Variants in COL4A4 observed in about 807,000 individuals in gnomAD.
COL4A4 encodes the protein collagen type IV alpha 4 chain.
In COL4A4, 105 loss-of-function variants were observed where a neutral mutation model predicts 192.9. That is an observed-to-expected ratio of 0.54 (90% CI 0.46 to 0.64). The LOEUF is 0.64. Ranked by LOEUF, COL4A4 falls within the 30% of genes least tolerant of loss-of-function variation. The pLI is 0.00. For missense variants in COL4A4, 1,967 were observed against 2,169.3 expected (o/e 0.91, Z 1.85); for synonymous variants, 762 against 769.9 (o/e 0.99, Z 0.17).
chr2:227,088,014 C>T (rs913386349), intron 22 of COL4A4, among the ~76,000 whole-genome samples: 13 of 152,210 alleles, frequency 8.5e-5, no homozygotes, highest in African/African-American at 2.9e-4. Context: ...TCTAGGAGGG[C>T]AGAGACTGGG....
chr2:227,090,706 C>T (rs1199008592), intron 20 of COL4A4, among the ~76,000 whole-genome samples: 6 of 151,658 alleles, frequency 4.0e-5, no homozygotes, highest in African/African-American at 7.3e-5. Flanking sequence ...GAGCTGAGAT[C>T]GCACCACTGT....
chr2:227,135,385 T>C (rs1224238532), intron 4 of COL4A4, among the ~76,000 whole-genome samples: 1 of 152,096 alleles, frequency 6.6e-6, no homozygotes, highest in East Asian at 1.9e-4. Flanking sequence ...GCTGCAACCC[T>C]CTTATTTGTT....
chr2:227,018,826 TAA>T (rs1965440687), intron 44 of COL4A4, among the ~76,000 whole-genome samples: 1 of 152,114 alleles, frequency 6.6e-6, no homozygotes, highest in Non-Finnish European at 1.5e-5. Context: ...CATGAAACCC[TAA>T]GTCAGGGGAA....
intron 35 of COL4A4, among the ~76,000 whole-genome samples, chr2:227,044,588 C>T (rs1972066877): frequency 6.6e-6 from 1 of 150,994 alleles, no homozygotes; most frequent in Non-Finnish European, 1.5e-5. Flanking sequence ...TAGCATTATT[C>T]TCATCTACAA....
chr2:226,994,454 G>A, the COL4A4 span, among the ~76,000 whole-genome samples: 1 of 152,202 alleles, frequency 6.6e-6, no homozygotes, highest in Non-Finnish European at 1.5e-5. Flanking sequence ...TTCTATCGGG[G>A]TTGACCTAGC....
At chr2:227,037,419 C>G (rs1969904779) in intron 37 of COL4A4, among the ~76,000 whole-genome samples, 1 of 152,154 alleles carries the variant, frequency 6.6e-6, no homozygotes, top group South Asian at 2.1e-4. Context: ...ATGCACTCAT[C>G]CTTTTTTTAT....
chr2:226,998,964 G>C (rs146794085), downstream of COL4A4: 122 of 152,198 alleles, frequency 8.0e-4, no homozygotes, highest in African/African-American at 2.8e-3. Flanking sequence ...CCTCTCTCTT[G>C]GCCCATTCAG....
At chr2:227,085,105 T>C (rs1197407631) in intron 22 of COL4A4, among the ~76,000 whole-genome samples, 22 of 150,604 alleles carry the variant, frequency 1.5e-4, no homozygotes, top group Non-Finnish European at 2.5e-4. Context: ...CACTCCAGCC[T>C]GGGCGACAAG....
chr2:227,006,788 T>C lies in COL4A4; in HGVS notation c.*537A>G. 1 of 154,284 alleles carries C rather than the reference T, an allele frequency of 6.5e-6. No homozygotes were observed. The highest frequency in any genetic ancestry group is 1.4e-5 in the Non-Finnish European group (1 of 69,456). 9.6% of individuals were successfully genotyped at this position (154,284 alleles called of 1,614,324 possible). ...TTTTTTTCTTCTTTAAAAAAAAATC[T>C]CTCTTTGCGTCATGGTTTTACCATT... On this transcript the variant is annotated 3_prime_UTR_variant, in exon 48 of 48. Transcript: ENST00000396625.
At position 227,078,097 on chromosome 2, in the gene COL4A4, A is replaced by G; in HGVS notation, c.1804-20T>C. ...ATCCCCCTGGGAATGTTATGTCATG[A>G]GTCAATTACCAACCACTGAATGTCC... On this transcript the variant is annotated intron_variant, in intron 24 of 47. Coordinates refer to ENST00000396625, the MANE Select transcript of COL4A4 (RefSeq NM_000092.5). 1 of 1,613,166 alleles carries G rather than the reference A, an allele frequency of 6.2e-7. No individual in the cohort carries two copies. Among genetic ancestry groups the G allele is most frequent in the East Asian group, 2.2e-5 (1 of 44,876 alleles).
At chr2:227,037,702 A>C (rs1969958958) in intron 37 of COL4A4, among the ~76,000 whole-genome samples, 1 of 152,186 alleles carries the variant, frequency 6.6e-6, no homozygotes, top group Admixed American at 6.5e-5. Context: ...CACTCCCACC[A>C]ACAGTGTAAA....
chr2:227,014,998 A>G (rs1964577791), intron 44 of COL4A4, among the ~76,000 whole-genome samples: 1 of 149,574 alleles, frequency 6.7e-6, no homozygotes, highest in Non-Finnish European at 1.5e-5. Flanking sequence ...TCTCAGGTTC[A>G]AGTGATTCTC....
the COL4A4 span, among the ~76,000 whole-genome samples, chr2:226,994,030 G>T: frequency 6.6e-6 from 1 of 152,184 alleles, no homozygotes; most frequent in Admixed American, 6.5e-5. Flanking sequence ...GAACATTTGG[G>T]TTCTGCAAAT....
chr2:227,078,025 C>A lies in COL4A4; in HGVS notation c.1856G>T (p.Gly619Val). Residue 619 changes from glycine (G) to valine (V), a missense_variant, in exon 25 of 48, where the codon GGC becomes GTC. Physicochemically the swap from Gly to Val is moderately radical, Grantham distance 109. Transcript: ENST00000396625. ...PGGKGFPGPLGPPGKAGPVGP... is the reference protein window; with the variant it reads ...PGGKGFPGPLVPPGKAGPVGP... ...CACAGGTCCTGCTTTGCCTGGGGGGCCCAGAGGTCCAGGAAATCCTTTACC... is the reference window on the plus strand; with the variant it reads ...CACAGGTCCTGCTTTGCCTGGGGGGACCAGAGGTCCAGGAAATCCTTTACC... 2 of 1,613,952 alleles carry A rather than the reference C, an allele frequency of 1.2e-6. No individual in the cohort carries two copies. Among genetic ancestry groups the A allele is most frequent in the Non-Finnish European group, 1.7e-6 (2 of 1,179,980 alleles).
At chr2:227,053,927 T>C (rs1051103880) in intron 31 of COL4A4, among the ~76,000 whole-genome samples, 1 of 152,034 alleles carries the variant, frequency 6.6e-6, no homozygotes, top group Non-Finnish European at 1.5e-5. Context: ...AGTTGAGAAG[T>C]TGGCAAACTG....
Position 227,050,113 on chromosome 2 carries a change from C to A in COL4A4, c.3169G>T (p.Gly1057Cys), listed in dbSNP as rs774907866. 1 of 1,614,184 alleles carries A rather than the reference C, an allele frequency of 6.2e-7. No homozygotes were observed. Among genetic ancestry groups the A allele is most frequent in the Non-Finnish European group, 8.5e-7 (1 of 1,180,028 alleles). ...TCAATTCCTGAAAATCCAGGGGGAC[C>A]TGGAGAACCTGGCTCACCCTGACAG... ...PGDQGEPGSP[G>C]PPGFSGIDGA... The change falls in exon 34 of 48, where the codon GGT (glycine) becomes TGT (cysteine). Residue 1057 changes from glycine to cysteine, a missense_variant. By Grantham distance (159) the Gly-to-Cys change is radical. Transcript: ENST00000396625.
intron 37 of COL4A4, among the ~76,000 whole-genome samples, chr2:227,036,336 G>A (rs1369422584): frequency 6.6e-6 from 1 of 152,018 alleles, no homozygotes; most frequent in Admixed American, 6.6e-5. Flanking sequence ...AACATTACTC[G>A]ACACACCCAA....
chr2:227,101,824 A>G (rs929286348), intron 16 of COL4A4, 41 bp downstream of exon 16: 5 of 1,431,640 alleles, frequency 3.5e-6, no homozygotes, highest in Middle Eastern at 1.9e-4. Flanking sequence ...TGCATTTACT[A>G]ATGAAATGTA....
chr2:227,099,764 A>G (rs2060404356), intron 17 of COL4A4, 75 bp from the exon 18 acceptor site: 2 of 1,272,684 alleles, frequency 1.6e-6, no homozygotes, highest in Admixed American at 1.8e-5. Context: ...AACCAGTATT[A>G]GAACGATCAT....
Sources: gnomAD v4.1 joint callset for allele counts (sites outside exome capture counted in the v4.1 genomes callset) on GRCh38, gnomAD v4.1.1 for gene constraint, MANE v1.5 for transcripts, NCBI Gene and HGNC (gene_info 2026-07-23, HGNC 2026-07-21) for gene names.